The following CLNK variants were observed in gnomAD, a reference collection of about 807,000 sequenced individuals.
CLNK encodes the protein cytokine-dependent hematopoietic cell linker.
In CLNK, 74 loss-of-function variants were observed where a neutral mutation model predicts 68.6. The ratio of observed to expected loss-of-function variants is 1.08; its 90% CI spans 0.89 to 1.31. CLNK has a LOEUF of 1.31. Among genes scored for constraint, CLNK ranks in the 50% most tolerant of loss-of-function variants. The pLI, the probability that CLNK is intolerant of heterozygous loss-of-function variation, is 0.00. For synonymous variants in CLNK, 198 were observed against 172.2 expected (o/e 1.15, Z -1.17); for missense variants, 553 against 515.3 (o/e 1.07, Z -0.71).
At chr4:10,531,099 C>T (rs935779675) in intron 12 of CLNK, among the ~76,000 whole-genome samples, 48 of 152,200 alleles carry the variant, frequency 3.2e-4, no homozygotes, top group African/African-American at 8.0e-4. Context: ...AAGACATTCA[C>T]GTCTACTATA....
the CLNK span, among the ~76,000 whole-genome samples, chr4:10,726,224 C>G: frequency 6.6e-6 from 1 of 152,134 alleles, no homozygotes; most frequent in Non-Finnish European, 1.5e-5. Context: ...CGGGTTCAAG[C>G]GATTCTCCTG....
chr4:10,663,788 G>A (rs1028716770), intron 2 of CLNK, among the ~76,000 whole-genome samples: 2 of 152,186 alleles, frequency 1.3e-5, no homozygotes, highest in Non-Finnish European at 2.9e-5. Flanking sequence ...ACCAAGGTAA[G>A]GGTATTAAAA....
chr4:10,616,785 T>TATAC (rs1354187013), intron 2 of CLNK, among the ~76,000 whole-genome samples: 161 of 13,012 alleles, frequency 0.012, no homozygotes, highest in African/African-American at 0.022. Context: ...TATATGTGTG[T>TATAC]GTGTGTATAT....
At chr4:10,597,916 G>A in intron 3 of CLNK, 62 bp downstream of exon 3, 1 of 1,153,774 alleles carries the variant, frequency 8.7e-7, no homozygotes, top group Non-Finnish European at 1.3e-6. Context: ...GTGATGGTCA[G>A]CTTATTTGCT....
chr4:10,574,585 CTT>C (rs1720481756), intron 4 of CLNK, among the ~76,000 whole-genome samples: 1 of 152,122 alleles, frequency 6.6e-6, no homozygotes, highest in South Asian at 2.1e-4. Context: ...GAGGTTTCCT[CTT>C]TGTAATTTTC....
the CLNK span, among the ~76,000 whole-genome samples, chr4:10,730,806 T>C: frequency 3.3e-5 from 5 of 152,130 alleles, no homozygotes; most frequent in African/African-American, 1.2e-4. Context: ...GTATGAGGGT[T>C]TTTTTTAACC....
intron 2 of CLNK, among the ~76,000 whole-genome samples, chr4:10,641,670 C>A (rs757941628): frequency 2.6e-5 from 4 of 152,186 alleles, no homozygotes; most frequent in Non-Finnish European, 4.4e-5. Flanking sequence ...AAAATGCATC[C>A]TTCAAGTACA....
At chr4:10,544,356 A>G (rs1719144434) in intron 8 of CLNK, among the ~76,000 whole-genome samples, 1 of 152,228 alleles carries the variant, frequency 6.6e-6, no homozygotes. Context: ...CTCATTTTTA[A>G]TATATGCATT....
intron 1 of CLNK, among the ~76,000 whole-genome samples, chr4:10,669,859 A>G (rs1321805941): frequency 6.6e-6 from 1 of 152,164 alleles, no homozygotes; most frequent in Non-Finnish European, 1.5e-5. Flanking sequence ...GGCAGTGTGT[A>G]GAGTGTCTAG....
intron 2 of CLNK, among the ~76,000 whole-genome samples, chr4:10,622,893 T>A (rs1265413904): frequency 6.6e-6 from 1 of 152,130 alleles, no homozygotes; most frequent in Admixed American, 6.5e-5. Context: ...ACTTCCTTAC[T>A]TGGTAGAGAG....
intron 10 of CLNK, among the ~76,000 whole-genome samples, chr4:10,541,483 A>G (rs1719023791): frequency 6.6e-6 from 1 of 152,106 alleles, no homozygotes; most frequent in African/African-American, 2.4e-5. Context: ...GGTCCCAGAT[A>G]GAGCAACAAG....
chr4:10,690,432 G>A, the CLNK span, among the ~76,000 whole-genome samples: 29 of 152,304 alleles, frequency 1.9e-4, no homozygotes, highest in Non-Finnish European at 3.2e-4. Flanking sequence ...AACCACAGAA[G>A]CAGAAGTGGT....
At chr4:10,683,815 T>C (rs953651366) in intron 1 of CLNK, among the ~76,000 whole-genome samples, 5 of 152,042 alleles carry the variant, frequency 3.3e-5, no homozygotes, top group African/African-American at 1.2e-4. Flanking sequence ...CCCCTGGAAA[T>C]CCAAAGAACA....
Position 10,487,648 on chromosome 4 carries a change from C to T in CLNK, c.*2819G>A, listed in dbSNP as rs1716411317. 2 of 151,440 alleles carry T rather than the reference C, an allele frequency of 1.3e-5. No homozygotes were observed. Among genetic ancestry groups the T allele is most frequent in the Admixed American group, 6.6e-5 (1 of 15,210 alleles). 9.4% of individuals were successfully genotyped at this position (151,440 alleles called of 1,614,324 possible). ...TTTTTTTTTTGTTGTTTTTCTTTTT[C>T]CCAGGATAGCCCCAGACAATGACTT... On this transcript the variant is annotated 3_prime_UTR_variant, in exon 19 of 19. Transcript: ENST00000226951.
intron 2 of CLNK, among the ~76,000 whole-genome samples, chr4:10,661,584 G>T (rs1380845327): frequency 6.6e-6 from 1 of 152,152 alleles, no homozygotes; most frequent in African/African-American, 2.4e-5. Context: ...AGATCCTCAT[G>T]GAGAATGACT....
Position 10,639,746 on chromosome 4 carries a change from C to T in CLNK, c.11+28113G>A, listed in dbSNP as rs73101877. Among the ~76,000 whole-genome samples the T allele has an allele frequency of 1.0e-2, 1,522 of 152,326 alleles. 32 individuals carry two copies. The highest frequency in any genetic ancestry group is 0.033 in the African/African-American group (1,377 of 41,568). On this transcript the variant is annotated intron_variant, in intron 2 of 18. Transcript: ENST00000226951. The stretch of plus-strand genomic sequence containing the variant: ...GTTCTCAGTAGCCACATGTGGCAAA[C>T]GGCTACCATATTGGACAGTGCAGAT...
At chr4:10,558,582 T>C in intron 7 of CLNK, 130 bp from the exon 8 acceptor site, 1 of 790,000 alleles carries the variant, frequency 1.3e-6, no homozygotes, top group Middle Eastern at 2.3e-4. Flanking sequence ...GTTTTCAATG[T>C]ATGGTTGGCT....
chr4:10,669,422 G>T (rs1204088918), intron 1 of CLNK, among the ~76,000 whole-genome samples: 1 of 152,146 alleles, frequency 6.6e-6, no homozygotes, highest in Non-Finnish European at 1.5e-5. Context: ...AGGTAAGTCT[G>T]GGTCTTCTGG....
At position 10,612,401 on chromosome 4, in the gene CLNK, A is replaced by C. The variant is rs551729231; in HGVS notation, c.12-14352T>G. Among the ~76,000 whole-genome samples the C allele has an allele frequency of 5.3e-5, 8 of 152,360 alleles. No homozygotes were observed. In the East Asian group the frequency reaches 1.5e-3, roughly 29 times the overall value. On this transcript the variant is annotated intron_variant, in intron 2 of 18. Transcript: ENST00000226951. ...ATCCCACGTCCAAAGTGTCTTGCTG[A>C]GAGTGTGTCAGCCACTTTTCTCAAT...
Sources: gnomAD v4.1 joint callset for allele counts (sites outside exome capture counted in the v4.1 genomes callset) on GRCh38, gnomAD v4.1.1 for gene constraint, MANE v1.5 for transcripts, NCBI Gene and HGNC (gene_info 2026-07-23, HGNC 2026-07-21) for gene names.